Variants in TRAF3 observed in about 807,000 individuals in gnomAD.
TRAF3 encodes TNF receptor associated factor 3.
Under a neutral mutation model 62.3 loss-of-function variants are expected in TRAF3, and 13 were observed. That is an observed-to-expected ratio of 0.21 (90% CI 0.14 to 0.33). TRAF3 has a LOEUF of 0.33. Among genes scored for constraint, TRAF3 ranks in the 10% least tolerant of loss-of-function variants. The pLI, the probability that TRAF3 is intolerant of heterozygous loss-of-function variation, is 1.00. For synonymous variants in TRAF3, 269 were observed against 283.4 expected, an observed-to-expected ratio of 0.95 and a Z score of 0.51; for missense variants, 440 against 741.8, an observed-to-expected ratio of 0.59 and a Z score of 4.73.
chr14:102,786,416 G>A (rs952338898), intron 1 of TRAF3, among the ~76,000 whole-genome samples: 1 of 152,104 alleles, frequency 6.6e-6, no homozygotes, highest in African/African-American at 2.4e-5. Flanking sequence ...GGCTGGGTGC[G>A]GAGGTTCATG....
rs142376057 is a variant in TRAF3 at position 102,879,867 on chromosome 14, A to G, written c.570+3342A>G. Among the ~76,000 whole-genome samples, 601 of 152,212 alleles carry G rather than the reference A, an allele frequency of 3.9e-3. 7 individuals are homozygous for G. Among genetic ancestry groups the G allele is most frequent in the African/African-American group, 0.013 (559 of 41,542 alleles). On this transcript the variant is annotated intron_variant, in intron 6 of 11. Coordinates refer to ENST00000392745, the MANE Select transcript of TRAF3 (RefSeq NM_145725.3). ...TGTGGTAGCTCACACCTGTGTGCCC[A>G]GCACTTTGGGAGGCTGAAACAGGAG...
In TRAF3 at chr14:102,870,339, C is replaced by T. The variant is rs201415483; in HGVS notation, c.138C>T (p.Thr46=). ...QGGYKEKFVK[T]VEDKYKCEKC... The stretch of plus-strand genomic sequence containing the variant: ...GTTACAAGGAAAAGTTTGTGAAGAC[C>T]GTGGAGGACAAGTACAAGTGTGAGA... The change falls in exon 3 of 12, where the codon ACC becomes ACT. Residue 46 remains threonine (T), a synonymous_variant. Coordinates refer to ENST00000392745, the MANE Select transcript of TRAF3 (RefSeq NM_145725.3). 1.2e-5 allele frequency: 20 copies of T among 1,614,072 alleles called. No individual in the cohort carries two copies. The Admixed American group carries it at 1.3e-4, about 11-fold the overall frequency.
intron 2 of TRAF3, among the ~76,000 whole-genome samples, chr14:102,864,147 C>CTT (rs1022782387): frequency 2.5e-4 from 34 of 133,938 alleles, no homozygotes; most frequent in Non-Finnish European, 3.9e-4. Flanking sequence ...TTGCCTTTTT[C>CTT]TTTTTTTTTT....
chr14:102,887,206 C>T (rs962353329), intron 7 of TRAF3, among the ~76,000 whole-genome samples: 6 of 152,250 alleles, frequency 3.9e-5, no homozygotes, highest in African/African-American at 1.2e-4. Context: ...TCATCTGGGG[C>T]TACCCTGGGC....
intron 2 of TRAF3, among the ~76,000 whole-genome samples, chr14:102,836,259 G>C (rs1885998743): frequency 6.6e-6 from 1 of 152,198 alleles, no homozygotes; most frequent in Non-Finnish European, 1.5e-5. Flanking sequence ...AGTCTTTTCT[G>C]AAGTCATTTA....
chr14:102,828,709 T>C (rs1203608966), intron 1 of TRAF3, among the ~76,000 whole-genome samples: 1 of 152,214 alleles, frequency 6.6e-6, no homozygotes, highest in East Asian at 1.9e-4. Context: ...GAAATAAAAC[T>C]TTATTTCTTG....
intron 1 of TRAF3, among the ~76,000 whole-genome samples, chr14:102,784,888 C>T (rs556661763): frequency 3.3e-5 from 5 of 152,206 alleles, no homozygotes; most frequent in South Asian, 4.2e-4. Flanking sequence ...GCAGAGGGCC[C>T]GTGAGTCGGA....
intron 1 of TRAF3, among the ~76,000 whole-genome samples, chr14:102,798,002 G>A (rs1002718766): frequency 6.6e-6 from 1 of 152,116 alleles, no homozygotes; most frequent in Non-Finnish European, 1.5e-5. Flanking sequence ...CTCTCAGAGT[G>A]CTGGGATTAC....
At chr14:102,792,530 C>T (rs1897857434) in intron 1 of TRAF3, among the ~76,000 whole-genome samples, 1 of 151,524 alleles carries the variant, frequency 6.6e-6, no homozygotes, top group Non-Finnish European at 1.5e-5. Flanking sequence ...CCTCAGACTC[C>T]CAAAATGCTG....
chr14:102,834,513 C>A (rs975407870), intron 2 of TRAF3, among the ~76,000 whole-genome samples: 1 of 151,656 alleles, frequency 6.6e-6, no homozygotes, highest in East Asian at 1.9e-4. Context: ...AGTGAAACCC[C>A]GTCTCTACTA....
At chr14:102,889,450 G>A (rs1446779866) in intron 7 of TRAF3, 110 bp from the exon 8 acceptor site, 77 of 1,128,784 alleles carry the variant, frequency 6.8e-5, no homozygotes, top group East Asian at 4.5e-4. Context: ...CACCTGTAGC[G>A]ATAAACACCA....
intron 2 of TRAF3, among the ~76,000 whole-genome samples, chr14:102,833,988 C>CG (rs201790629): frequency 1.7e-3 from 50 of 29,760 alleles, no homozygotes; most frequent in East Asian, 5.8e-3. Flanking sequence ...GACTTTGTCT[C>CG]GGGGGGAAAA....
chr14:102,836,700 T>G (rs1886027852), intron 2 of TRAF3, among the ~76,000 whole-genome samples: 1 of 152,224 alleles, frequency 6.6e-6, no homozygotes, highest in Non-Finnish European at 1.5e-5. Flanking sequence ...CTAGAGAGTT[T>G]ATATAGCATG....
intron 2 of TRAF3, among the ~76,000 whole-genome samples, chr14:102,858,079 A>G (rs148028580): frequency 3.9e-5 from 6 of 152,320 alleles, no homozygotes; most frequent in African/African-American, 1.4e-4. Context: ...CAGTCCATGC[A>G]GTTAACTCCT....
intron 1 of TRAF3, among the ~76,000 whole-genome samples, chr14:102,802,808 A>G (rs918633101): frequency 6.6e-6 from 1 of 152,114 alleles, no homozygotes; most frequent in Non-Finnish European, 1.5e-5. Flanking sequence ...AGCCTGGGCA[A>G]CCGAGCAAGA....
At chr14:102,873,713 C>T (rs546218816) in intron 4 of TRAF3, among the ~76,000 whole-genome samples, 1 of 152,250 alleles carries the variant, frequency 6.6e-6, no homozygotes, top group South Asian at 2.1e-4. Context: ...GTCTCAGATC[C>T]TTTCCATTCC....
intron 6 of TRAF3, among the ~76,000 whole-genome samples, chr14:102,879,618 G>A (rs779467222): frequency 9.2e-5 from 14 of 151,558 alleles, no homozygotes; most frequent in African/African-American, 2.7e-4. Flanking sequence ...TCTATGAAAT[G>A]AGTTGTAGTC....
chr14:102,798,579 G>A (rs577284102), intron 1 of TRAF3, among the ~76,000 whole-genome samples: 61 of 152,146 alleles, frequency 4.0e-4, no homozygotes, highest in Non-Finnish European at 7.9e-4. Context: ...GGCAGAGGTT[G>A]TGGTGAGCTG....
chr14:102,871,832 C>T (rs1888358726), intron 3 of TRAF3, 85 bp from the exon 4 acceptor site: 2 of 1,321,746 alleles, frequency 1.5e-6, no homozygotes, highest in African/African-American at 1.5e-5. Flanking sequence ...CAGACCTGAC[C>T]ATAAAGTGAA....
Sources: allele counts gnomAD v4.1 joint callset (sites outside exome capture counted in the v4.1 genomes callset), GRCh38; gene constraint gnomAD v4.1.1; transcripts MANE v1.5; gene names NCBI Gene and HGNC (gene_info 2026-07-23, HGNC 2026-07-21).